Variants in IPCEF1 observed in about 807,000 individuals in gnomAD.
The protein encoded by IPCEF1 is interactor protein for cytohesin exchange factors 1.
A neutral mutation model predicts 50.9 loss-of-function variants in IPCEF1; 31 were observed. The observed-to-expected ratio is 0.61, with a 90% CI of 0.46 to 0.82. IPCEF1 has a LOEUF of 0.82. Among genes scored for constraint, IPCEF1 ranks in the 40% least tolerant of loss-of-function variants. IPCEF1 has a pLI of 0.00. For synonymous variants in IPCEF1, 181 were observed against 192.0 expected, an observed-to-expected ratio of 0.94 and a Z score of 0.47; for missense variants, 458 against 514.0, an observed-to-expected ratio of 0.89 and a Z score of 1.05.
At chr6:154,187,551 C>T (rs1336711011) in intron 10 of IPCEF1, among the ~76,000 whole-genome samples, 1 of 152,180 alleles carries the variant, frequency 6.6e-6, no homozygotes, top group East Asian at 1.9e-4. Context: ...AGGTGGGTGA[C>T]CTGTACTACC....
At chr6:154,243,731 TG>T (rs1422897234) in intron 5 of IPCEF1, among the ~76,000 whole-genome samples, 8 of 152,344 alleles carry the variant, frequency 5.3e-5, no homozygotes, top group African/African-American at 1.9e-4. Context: ...ATTGGCATGC[TG>T]TAAGTCATGG....
intron 3 of IPCEF1, among the ~76,000 whole-genome samples, chr6:154,261,788 C>G (rs958401628): frequency 6.6e-6 from 1 of 152,082 alleles, no homozygotes; most frequent in Non-Finnish European, 1.5e-5. Context: ...CTAGGATCAA[C>G]GAAAGGACCT....
At chr6:154,281,124 G>A (rs747427987) in intron 2 of IPCEF1, among the ~76,000 whole-genome samples, 2 of 146,844 alleles carry the variant, frequency 1.4e-5, no homozygotes, top group African/African-American at 5.0e-5. Context: ...TGGATTACTT[G>A]AGGTCAGGAG....
At position 154,194,555 on chromosome 6, in the gene IPCEF1, C is replaced by T. The variant is rs11754235; in HGVS notation, c.910+5113G>A. 2.0e-3 allele frequency among the ~76,000 whole-genome samples: 308 copies of T among 152,230 alleles called. 4 individuals carry two copies. The highest frequency in any genetic ancestry group is 1.1e-3 in the Non-Finnish European group (75 of 68,010). ...CCTCCTACTTCTTTCAAACTGTCAT[C>T]GCCACTCTAAGCTTACGTACCTCCA... On this transcript the variant is annotated intron_variant, in intron 10 of 11. Coordinates refer to ENST00000367220, the MANE Select transcript of IPCEF1 (RefSeq NM_001130700.2).
intron 3 of IPCEF1, among the ~76,000 whole-genome samples, chr6:154,262,191 A>T (rs548607337): frequency 6.6e-6 from 1 of 152,258 alleles, no homozygotes; most frequent in African/African-American, 2.4e-5. Context: ...TGGCTGATTG[A>T]CTCTAGGAGT....
At chr6:154,266,094 A>C in intron 2 of IPCEF1, 130 bp from the exon 3 acceptor site, 2 of 612,596 alleles carry the variant, frequency 3.3e-6, no homozygotes, top group Admixed American at 6.7e-5. Flanking sequence ...TAATTCATTA[A>C]ATAGCCTTTC....
intron 1 of IPCEF1, among the ~76,000 whole-genome samples, chr6:154,297,121 G>T (rs1447067943): frequency 1.7e-4 from 26 of 151,634 alleles, no homozygotes; most frequent in Admixed American, 1.7e-3. Context: ...CGCTACAGTT[G>T]CAACCTCCCC....
In IPCEF1 at chr6:154,332,056, C is replaced by T. The variant is rs181696987; in HGVS notation, c.-62+24616G>A. ...TCTCTCACTCTCACTCTCCCTTATGCCCCTCAGCCAAATTCTTTCCTCTGA... is the reference window on the plus strand; with the variant it reads ...TCTCTCACTCTCACTCTCCCTTATGTCCCTCAGCCAAATTCTTTCCTCTGA... On this transcript the variant is annotated intron_variant, in intron 1 of 11. Transcript: ENST00000367220. 6.6e-5 allele frequency among the ~76,000 whole-genome samples: 10 copies of T among 152,290 alleles called. No individual in the cohort carries two copies. In the East Asian group the frequency reaches 1.9e-3, roughly 29 times the overall value.
At chr6:154,223,353 C>T in intron 5 of IPCEF1, 110 bp from the exon 6 acceptor site, 1 of 817,492 alleles carries the variant, frequency 1.2e-6, no homozygotes, top group Non-Finnish European at 2.0e-6. Flanking sequence ...GAGGGAGAAT[C>T]AAGAGATACC....
chr6:154,246,306 A>G (rs1781038340), intron 5 of IPCEF1, among the ~76,000 whole-genome samples: 1 of 152,226 alleles, frequency 6.6e-6, no homozygotes, highest in African/African-American at 2.4e-5. Flanking sequence ...TGGAATAGTA[A>G]CATTAATAAC....
intron 1 of IPCEF1, among the ~76,000 whole-genome samples, chr6:154,324,650 A>T (rs1409322521): frequency 6.6e-6 from 1 of 152,230 alleles, no homozygotes; most frequent in East Asian, 1.9e-4. Flanking sequence ...TTTACTAAAA[A>T]TACAAAAATT....
intron 5 of IPCEF1, 45 bp from the exon 6 acceptor site, chr6:154,223,288 T>C (rs771080228): frequency 1.5e-5 from 21 of 1,381,818 alleles, no homozygotes; most frequent in Non-Finnish European, 2.0e-5. Context: ...GCATCAATCC[T>C]GGGGATTAGT....
At chr6:154,214,085 C>G in intron 8 of IPCEF1, 133 bp downstream of exon 8, 1 of 673,640 alleles carries the variant, frequency 1.5e-6, no homozygotes, top group East Asian at 2.7e-5. Context: ...CACATATTTT[C>G]AGATCATCTT....
chr6:154,260,555 C>T (rs1045695749), intron 3 of IPCEF1, among the ~76,000 whole-genome samples: 2 of 151,708 alleles, frequency 1.3e-5, no homozygotes, highest in Non-Finnish European at 2.9e-5. Context: ...TCACTGCAAC[C>T]TCCACCTCCT....
chr6:154,242,444 A>G (rs866025423), intron 5 of IPCEF1, among the ~76,000 whole-genome samples: 1 of 152,242 alleles, frequency 6.6e-6, no homozygotes. Flanking sequence ...ATATGAAATT[A>G]AGAACTATTA....
intron 8 of IPCEF1, 123 bp from the exon 9 acceptor site, chr6:154,212,978 T>C (rs1583813643): frequency 1.4e-6 from 1 of 703,456 alleles, no homozygotes; most frequent in East Asian, 2.7e-5. Context: ...AGTTCATATC[T>C]AATGAACTAC....
intron 2 of IPCEF1, among the ~76,000 whole-genome samples, chr6:154,273,720 C>CTTTTTTTTTTTTTTTT (rs1562574986): frequency 3.9e-5 from 1 of 25,458 alleles, no homozygotes; most frequent in African/African-American, 1.2e-4. Context: ...TTCTTTCTTT[C>CTTTTTTTTTTTTTTTT]TTTCTTTTTT....
At chr6:154,266,698 CAT>C (rs1781766040) in intron 2 of IPCEF1, among the ~76,000 whole-genome samples, 1 of 151,696 alleles carries the variant, frequency 6.6e-6, no homozygotes, top group Non-Finnish European at 1.5e-5. Context: ...ACTTTGAAAA[CAT>C]AGCTAACTCC....
chr6:154,352,507 C>G (rs1391102231), intron 1 of IPCEF1, among the ~76,000 whole-genome samples: 2 of 152,236 alleles, frequency 1.3e-5, no homozygotes, highest in Non-Finnish European at 2.9e-5. Flanking sequence ...AGCTGGCTCA[C>G]TTTTCACCTT....
Sources: allele counts gnomAD v4.1 joint callset (sites outside exome capture counted in the v4.1 genomes callset), GRCh38; gene constraint gnomAD v4.1.1; transcripts MANE v1.5; gene names NCBI Gene and HGNC (gene_info 2026-07-23, HGNC 2026-07-21).